ITCH: variants seen among roughly 807,000 people sequenced by gnomAD.
The protein encoded by ITCH is itchy E3 ubiquitin protein ligase, also known as E3 ubiquitin-protein ligase Itchy homolog.
ITCH carries 28 observed loss-of-function variants against 126.8 expected under a neutral mutation model. That is an observed-to-expected ratio of 0.22 (90% CI 0.16 to 0.30). The LOEUF is 0.30. Ranked by LOEUF, ITCH falls within the 10% of genes least tolerant of loss-of-function variation. ITCH has a pLI of 1.00. For missense variants in ITCH, 631 were observed against 1,032.4 expected (o/e 0.61, Z 5.33); for synonymous variants, 342 against 340.0 (o/e 1.01, Z -0.06).
chr20:34,369,857 A>C (rs2122968520), intron 2 of ITCH, among the ~76,000 whole-genome samples: 1 of 152,202 alleles, frequency 6.6e-6, no homozygotes, highest in Non-Finnish European at 1.5e-5. Context: ...TAATTCCAGC[A>C]CTTTGTGGGG....
At chr20:34,452,022 A>T (rs1214057034) in intron 12 of ITCH, among the ~76,000 whole-genome samples, 2 of 145,976 alleles carry the variant, frequency 1.4e-5, no homozygotes, top group Non-Finnish European at 3.0e-5. Flanking sequence ...GTAGGCCAAG[A>T]TTTTGCCACT....
intron 5 of ITCH, 129 bp from the exon 6 acceptor site, chr20:34,413,612 TA>T (rs1278417001): frequency 1.2e-6 from 1 of 815,450 alleles, no homozygotes; most frequent in East Asian, 2.7e-5. Context: ...GAAACATAGT[TA>T]AACAGTTTAT....
chr20:34,479,054 T>C (rs2146463126), intron 17 of ITCH, among the ~76,000 whole-genome samples: 1 of 152,322 alleles, frequency 6.6e-6, no homozygotes, highest in African/African-American at 2.4e-5. Context: ...ATTTTCACAA[T>C]ATTTGACTTA....
chr20:34,371,050 C>T (rs2037607228), intron 2 of ITCH, among the ~76,000 whole-genome samples: 1 of 151,300 alleles, frequency 6.6e-6, no homozygotes, highest in South Asian at 2.1e-4. Context: ...CGCCTGTAGT[C>T]CCAGCTACTC....
At chr20:34,388,100 C>CT (rs533244733) in intron 2 of ITCH, among the ~76,000 whole-genome samples, 3,062 of 138,094 alleles carry the variant, frequency 0.022, 45 homozygotes, top group African/African-American at 0.045. Context: ...CTTGTGAAGG[C>CT]TTTTTTTTTT....
At chr20:34,387,803 C>A (rs1479911980) in intron 2 of ITCH, among the ~76,000 whole-genome samples, 2 of 151,934 alleles carry the variant, frequency 1.3e-5, no homozygotes, top group East Asian at 3.9e-4. Flanking sequence ...CTCCTGGGTT[C>A]AAGCGGTTCT....
chr20:34,478,371 G>A (rs1391174823), intron 17 of ITCH, among the ~76,000 whole-genome samples: 1 of 152,210 alleles, frequency 6.6e-6, no homozygotes, highest in Non-Finnish European at 1.5e-5. Context: ...GTACAAAATA[G>A]GAGTTGAAAG....
intron 2 of ITCH, among the ~76,000 whole-genome samples, chr20:34,385,344 T>A (rs1037832016): frequency 1.3e-5 from 2 of 151,034 alleles, no homozygotes; most frequent in Non-Finnish European, 2.9e-5. Flanking sequence ...ATTACAGGCA[T>A]GAAGCATCAC....
intron 8 of ITCH, among the ~76,000 whole-genome samples, chr20:34,439,804 GT>G (rs1479568970): frequency 6.6e-6 from 1 of 152,198 alleles, no homozygotes; most frequent in Non-Finnish European, 1.5e-5. Context: ...CAGGAAAGCA[GT>G]TTTAAGGAGC....
chr20:34,500,303 CTG>C (rs1990166935), intron 23 of ITCH, among the ~76,000 whole-genome samples: 1 of 152,298 alleles, frequency 6.6e-6, no homozygotes, highest in Non-Finnish European at 1.5e-5. Context: ...GTATTGGAGT[CTG>C]TCTTTCCCTT....
intron 2 of ITCH, among the ~76,000 whole-genome samples, chr20:34,387,207 G>T (rs1035759469): frequency 6.6e-6 from 1 of 151,954 alleles, no homozygotes; most frequent in African/African-American, 2.4e-5. Context: ...GGAGGCTGAG[G>T]CAGGAGAATT....
intron 3 of ITCH, among the ~76,000 whole-genome samples, chr20:34,401,198 T>C (rs2038872322): frequency 6.6e-6 from 1 of 152,212 alleles, no homozygotes; most frequent in African/African-American, 2.4e-5. Context: ...CTTATGTCCT[T>C]CCCTGTCTTT....
At chr20:34,463,840 T>C (rs1986770539) in intron 14 of ITCH, among the ~76,000 whole-genome samples, 1 of 152,116 alleles carries the variant, frequency 6.6e-6, no homozygotes, top group Non-Finnish European at 1.5e-5. Context: ...TCTCTATATA[T>C]TCTGGGTGTT....
chr20:34,471,292 T>G, intron 15 of ITCH, 152 bp from the exon 16 acceptor site: 1 of 651,506 alleles, frequency 1.5e-6, no homozygotes, highest in South Asian at 1.8e-5. Flanking sequence ...TACTCACAGA[T>G]GCATTGGTAA....
chr20:34,387,242 G>T (rs2038316332), intron 2 of ITCH, among the ~76,000 whole-genome samples: 2 of 151,824 alleles, frequency 1.3e-5, no homozygotes, highest in Non-Finnish European at 1.5e-5. Context: ...AGCAGAGGTT[G>T]CAGCGAGGGG....
chr20:34,503,095 C>T (rs762012054), intron 23 of ITCH, among the ~76,000 whole-genome samples: 1 of 152,138 alleles, frequency 6.6e-6, no homozygotes, highest in African/African-American at 2.4e-5. Flanking sequence ...ATAATTTTAA[C>T]TGTGTTTTTT....
chr20:34,377,572 T>C (rs1041001682), intron 2 of ITCH, among the ~76,000 whole-genome samples: 1 of 151,500 alleles, frequency 6.6e-6, no homozygotes, highest in East Asian at 2.0e-4. Flanking sequence ...AAACTTGAGA[T>C]AACTGATATG....
intron 16 of ITCH, among the ~76,000 whole-genome samples, chr20:34,474,878 A>C (rs1988011095): frequency 6.7e-6 from 1 of 150,302 alleles, no homozygotes; most frequent in African/African-American, 2.5e-5. Flanking sequence ...TGCCGGGCGG[A>C]GGGGCTCCTC....
intron 3 of ITCH, chr20:34,402,100 G>A: frequency 1.2e-6 from 1 of 826,740 alleles, no homozygotes; most frequent in Non-Finnish European, 2.0e-6. Flanking sequence ...ATTGCTTTTA[G>A]TATGATGCCA....
Sources: gnomAD v4.1 joint callset for allele counts (sites outside exome capture counted in the v4.1 genomes callset) on GRCh38, gnomAD v4.1.1 for gene constraint, MANE v1.5 for transcripts, NCBI Gene and HGNC (gene_info 2026-07-23, HGNC 2026-07-21) for gene names.